DIRAS2: variants seen among roughly 807,000 people sequenced by gnomAD.
DIRAS2 encodes GTP-binding protein Di-Ras2.
In DIRAS2, 5 loss-of-function variants were observed where a neutral mutation model predicts 13.9. That is an observed-to-expected ratio of 0.36 (90% CI 0.19 to 0.76). DIRAS2 has a LOEUF of 0.76. DIRAS2 is among the 30% of genes least tolerant of loss of function. The pLI is 0.53. For missense variants in DIRAS2, 191 were observed against 263.0 expected, an observed-to-expected ratio of 0.73 and a Z score of 1.89; for synonymous variants, 111 against 105.4, an observed-to-expected ratio of 1.05 and a Z score of -0.33.
chr9:90,633,392 C>G (rs1825344371), intron 1 of DIRAS2, among the ~76,000 whole-genome samples: 1 of 152,170 alleles, frequency 6.6e-6, no homozygotes, highest in Admixed American at 6.5e-5. Flanking sequence ...AGATGATTTG[C>G]TGAGAGAATC....
intron 1 of DIRAS2, among the ~76,000 whole-genome samples, chr9:90,621,675 A>G (rs894409228): frequency 1.3e-5 from 2 of 152,202 alleles, no homozygotes; most frequent in African/African-American, 4.8e-5. Context: ...AGAAATAACA[A>G]CTGTTTAAAA....
chr9:90,640,211 C>T (rs1825406600), intron 1 of DIRAS2, among the ~76,000 whole-genome samples: 1 of 152,226 alleles, frequency 6.6e-6, no homozygotes. Flanking sequence ...ATGACTCACA[C>T]ATTTCAATTC....
At chr9:90,623,847 C>G (rs533596736) in intron 1 of DIRAS2, among the ~76,000 whole-genome samples, 1 of 152,268 alleles carries the variant, frequency 6.6e-6, no homozygotes, top group South Asian at 2.1e-4. Flanking sequence ...CAAGACCAAC[C>G]TGGGTGATAC....
Position 90,613,051 on chromosome 9 carries a change from G to T in DIRAS2, c.*177C>A. On this transcript the variant is annotated 3_prime_UTR_variant, in exon 2 of 2. Transcript: ENST00000375765. This position sits in a 1 kb window ranked among gnomAD's most constrained non-coding sequence, Gnocchi z 5.6. The stretch of plus-strand genomic sequence containing the variant: ...GCCTGGCAGATTCTGTGACTCCAGA[G>T]TGGGTGGCTTACTGTTGGTGGTGTG... 2 of 824,928 alleles carry T rather than the reference G, an allele frequency of 2.4e-6. No individual in the cohort carries two copies. Among genetic ancestry groups the T allele is most frequent in the South Asian group, 1.8e-5 (1 of 54,186 alleles). The allele number at this position is 824,928 out of a possible 1,614,324, so 51.1% of individuals were successfully genotyped here.
At chr9:90,615,097 T>C (rs1025132469) in intron 1 of DIRAS2, among the ~76,000 whole-genome samples, 3 of 152,214 alleles carry the variant, frequency 2.0e-5, no homozygotes, top group African/African-American at 7.2e-5. Context: ...CTTTCTAGTT[T>C]TAGGGCAACT....
rs1439554156 is a variant in DIRAS2, at chr9:90,611,913, T to C, written c.*1315A>G. ...CAGAGCAATTAAGCTGAGTGGGCTC[T>C]TCCCAGGGCAGAGAAGCCTGCCTGT... On this transcript the variant is annotated 3_prime_UTR_variant, in exon 2 of 2. Coordinates refer to ENST00000375765, the MANE Select transcript of DIRAS2 (RefSeq NM_017594.5). 1 of 152,244 alleles carries C rather than the reference T, an allele frequency of 6.6e-6. No homozygotes were observed. Among genetic ancestry groups the C allele is most frequent in the Non-Finnish European group, 1.5e-5 (1 of 68,042 alleles). 9.4% of individuals were successfully genotyped at this position (152,244 alleles called of 1,614,324 possible).
intron 1 of DIRAS2, among the ~76,000 whole-genome samples, chr9:90,640,372 G>T (rs948012476): frequency 6.6e-6 from 1 of 152,128 alleles, no homozygotes; most frequent in African/African-American, 2.4e-5. Flanking sequence ...GTCCTTCCCC[G>T]TCAGTGAGGA....
chr9:90,611,850 G>A lies in DIRAS2; in HGVS notation c.*1378C>T, dbSNP rs1825117102. The A allele has an allele frequency of 6.6e-6, 1 of 152,252 alleles. No homozygotes were observed. The highest frequency in any genetic ancestry group is 2.1e-4 in the South Asian group (1 of 4,828). The allele number at this position is 152,252 out of a possible 1,614,324, so 9.4% of individuals were successfully genotyped here. ...GATCTAACAGGCACTATCAGTGGGA[G>A]TTTTCAGGAAGCCAAGTCCAACCAG... is the stretch of plus-strand genomic sequence containing the variant. On this transcript the variant is annotated 3_prime_UTR_variant, in exon 2 of 2. Transcript: ENST00000375765.
intron 1 of DIRAS2, among the ~76,000 whole-genome samples, chr9:90,628,206 C>A (rs866585265): frequency 5.3e-5 from 8 of 152,180 alleles, no homozygotes; most frequent in African/African-American, 1.9e-4. Context: ...TAACACTCAG[C>A]CCCTAGACCT....
At position 90,620,572 on chromosome 9, in the gene DIRAS2, C is replaced by T. The variant is rs1188449697; in HGVS notation, c.-36-6709G>A. Among the ~76,000 whole-genome samples, 4 of 152,208 alleles carry T rather than the reference C, an allele frequency of 2.6e-5. No individual in the cohort carries two copies. In the East Asian group the frequency reaches 5.8e-4, roughly 22 times the overall value. ...AGCAGTTCGAGAACAGCCTGCACAA[C>T]ATGGTGAAACCCGTCTCTAGTAAAA... On this transcript the variant is annotated intron_variant, in intron 1 of 1. Coordinates refer to ENST00000375765, the MANE Select transcript of DIRAS2 (RefSeq NM_017594.5).
chr9:90,630,496 C>T (rs952973050), intron 1 of DIRAS2, among the ~76,000 whole-genome samples: 1 of 152,146 alleles, frequency 6.6e-6, no homozygotes, highest in Admixed American at 6.5e-5. Flanking sequence ...ATAGCATGCA[C>T]TTGGATATGT....
chr9:90,621,499 A>G (rs1303734924), intron 1 of DIRAS2, among the ~76,000 whole-genome samples: 1 of 152,222 alleles, frequency 6.6e-6, no homozygotes, highest in African/African-American at 2.4e-5. Flanking sequence ...AAGAGAGCAC[A>G]AGAAAGCCTG....
At chr9:90,630,584 C>A (rs1244337662) in intron 1 of DIRAS2, among the ~76,000 whole-genome samples, 1 of 152,140 alleles carries the variant, frequency 6.6e-6, no homozygotes, top group Non-Finnish European at 1.5e-5. Context: ...TGTGCAGCAA[C>A]CATGAAAACA....
intron 1 of DIRAS2, among the ~76,000 whole-genome samples, chr9:90,640,044 G>A (rs1825405087): frequency 6.6e-6 from 1 of 152,192 alleles, no homozygotes; most frequent in Non-Finnish European, 1.5e-5. Context: ...GTCGTCAGCA[G>A]GCATTTAAAA....
At chr9:90,628,210 T>C (rs1658139964) in intron 1 of DIRAS2, among the ~76,000 whole-genome samples, 1 of 152,134 alleles carries the variant, frequency 6.6e-6, no homozygotes, top group Non-Finnish European at 1.5e-5. Context: ...ACTCAGCCCC[T>C]AGACCTGTGC....
chr9:90,618,263 C>T (rs1451054546), intron 1 of DIRAS2, among the ~76,000 whole-genome samples: 1 of 152,014 alleles, frequency 6.6e-6, no homozygotes, highest in Non-Finnish European at 1.5e-5. Flanking sequence ...AGAAATAAAC[C>T]CTCATATTTA....
At chr9:90,619,690 C>A (rs1825201987) in intron 1 of DIRAS2, among the ~76,000 whole-genome samples, 1 of 152,162 alleles carries the variant, frequency 6.6e-6, no homozygotes, top group African/African-American at 2.4e-5. Context: ...CAATTCCCCT[C>A]CTTTGTATAT....
intron 1 of DIRAS2, among the ~76,000 whole-genome samples, chr9:90,624,354 TG>T (rs1825248320): frequency 6.6e-6 from 1 of 152,228 alleles, no homozygotes; most frequent in Non-Finnish European, 1.5e-5. Flanking sequence ...TAAACATCCA[TG>T]GATCAACTTT....
At chr9:90,622,161 A>G (rs1825224783) in intron 1 of DIRAS2, among the ~76,000 whole-genome samples, 1 of 152,320 alleles carries the variant, frequency 6.6e-6, no homozygotes, top group East Asian at 1.9e-4. Flanking sequence ...TTGAGGCAGG[A>G]GGATCTCTTC....
Sources: gnomAD v4.1 joint callset for allele counts (sites outside exome capture counted in the v4.1 genomes callset) on GRCh38, gnomAD v4.1.1 for gene constraint, Gnocchi (gnomAD v3.1) non-coding constraint, MANE v1.5 for transcripts, NCBI Gene and HGNC (gene_info 2026-07-23, HGNC 2026-07-21) for gene names.